Variants in ZCWPW2 observed in about 807,000 individuals in gnomAD.
ZCWPW2 encodes the protein zinc finger CW-type PWWP domain protein 2.
In ZCWPW2, 45 loss-of-function variants were observed where a neutral mutation model predicts 46.6. The ratio of observed to expected loss-of-function variants is 0.96; its 90% CI spans 0.76 to 1.24. ZCWPW2 has a LOEUF of 1.24. Ranked by LOEUF, ZCWPW2 falls within the 50% of genes most tolerant of loss-of-function variation. ZCWPW2 has a pLI of 0.00. For missense variants in ZCWPW2, 429 were observed against 403.9 expected, an observed-to-expected ratio of 1.06 and a Z score of -0.53; for synonymous variants, 152 against 137.1, an observed-to-expected ratio of 1.11 and a Z score of -0.76.
At chr3:28,367,002 AT>A (rs988383878) in intron 1 of ZCWPW2, among the ~76,000 whole-genome samples, 7 of 151,848 alleles carry the variant, frequency 4.6e-5, no homozygotes, top group Admixed American at 1.3e-4. Flanking sequence ...CCCTTTTAAC[AT>A]TTTTTATTGT....
chr3:28,480,864 CTTTTTTTTTTTT>C (rs56891846), intron 5 of ZCWPW2, among the ~76,000 whole-genome samples: 1 of 122,008 alleles, frequency 8.2e-6, no homozygotes, highest in Non-Finnish European at 1.7e-5. Flanking sequence ...CATTTTTTTT[CTTTTTTTTTTTT>C]TTTTTTTGAG....
intron 2 of ZCWPW2, among the ~76,000 whole-genome samples, chr3:28,393,934 A>C (rs1223567482): frequency 6.6e-6 from 1 of 152,162 alleles, no homozygotes; most frequent in African/African-American, 2.4e-5. Flanking sequence ...TAGCCAGAGC[A>C]ATTAGGCAAC....
At chr3:28,364,400 A>T (rs376240216) in intron 1 of ZCWPW2, among the ~76,000 whole-genome samples, 1 of 152,082 alleles carries the variant, frequency 6.6e-6, no homozygotes, top group Non-Finnish European at 1.5e-5. Flanking sequence ...TTTACATTGC[A>T]AATTGTGCTG....
chr3:28,363,044 G>C (rs901883979), intron 1 of ZCWPW2, among the ~76,000 whole-genome samples: 1 of 146,668 alleles, frequency 6.8e-6, no homozygotes, highest in African/African-American at 2.5e-5. Context: ...AACAACAGAC[G>C]CTGGGGCCTA....
chr3:28,361,743 A>G (rs935339710), intron 1 of ZCWPW2, among the ~76,000 whole-genome samples: 10 of 152,216 alleles, frequency 6.6e-5, no homozygotes, highest in Admixed American at 3.3e-4. Flanking sequence ...TCTAAAGAAG[A>G]TATGCAGATG....
chr3:28,397,295 G>A (rs898234199), intron 2 of ZCWPW2, among the ~76,000 whole-genome samples: 4 of 152,046 alleles, frequency 2.6e-5, no homozygotes, highest in African/African-American at 4.8e-5. Flanking sequence ...TTTAATGAAC[G>A]CAAAAACTAT....
chr3:28,449,779 G>A (rs1456721691), intron 4 of ZCWPW2, among the ~76,000 whole-genome samples: 1 of 151,970 alleles, frequency 6.6e-6, no homozygotes, highest in Non-Finnish European at 1.5e-5. Context: ...TGTGCTGCAG[G>A]GCTATTTTTT....
chr3:28,393,801 G>A (rs1296854444), intron 2 of ZCWPW2, among the ~76,000 whole-genome samples: 1 of 152,010 alleles, frequency 6.6e-6, no homozygotes, highest in Admixed American at 6.6e-5. Flanking sequence ...CATCACAAAG[G>A]CTGTGTATCA....
At chr3:28,429,465 T>A (rs1451029063) in intron 3 of ZCWPW2, among the ~76,000 whole-genome samples, 2 of 152,174 alleles carry the variant, frequency 1.3e-5, no homozygotes, top group Admixed American at 1.3e-4. Flanking sequence ...TTGGAATTTA[T>A]GTTTAAAAGG....
At chr3:28,465,646 A>ATTAGCCAATTAGTCTCTGGTC (rs1559515596) in intron 4 of ZCWPW2, among the ~76,000 whole-genome samples, 1 of 152,206 alleles carries the variant, frequency 6.6e-6, no homozygotes, top group Non-Finnish European at 1.5e-5. Context: ...ATTGGCTAAT[A>ATTAGCCAATTAGTCTCTGGTC]TAATTAACCA....
In ZCWPW2 at chr3:28,420,131, T is replaced by A. The variant is rs369836309; in HGVS notation, c.332+6731T>A. Among the ~76,000 whole-genome samples, 5 of 152,212 alleles carry A rather than the reference T, an allele frequency of 3.3e-5. No homozygotes were observed. The South Asian group carries it at 1.0e-3, about 32-fold the overall frequency. ...TTTTTTGAAGGGGTTTTTGTGTCTG[T>A]ATTTCCTTCAGTTCTGCTCTGATCT... is the stretch of plus-strand genomic sequence containing the variant. On this transcript the variant is annotated intron_variant, in intron 3 of 9. Coordinates refer to ENST00000383768, the MANE Select transcript of ZCWPW2 (RefSeq NM_001040432.4).
intron 1 of ZCWPW2, among the ~76,000 whole-genome samples, chr3:28,369,886 C>A (rs1378428620): frequency 6.6e-6 from 1 of 152,200 alleles, no homozygotes; most frequent in African/African-American, 2.4e-5. Context: ...CTCGCTGCCA[C>A]CTTGCAGTTT....
intron 9 of ZCWPW2, among the ~76,000 whole-genome samples, chr3:28,522,135 G>A (rs1575237131): frequency 1.3e-5 from 2 of 152,078 alleles, no homozygotes; most frequent in South Asian, 2.1e-4. Context: ...GAGAGGGGAG[G>A]GATAGCATTA....
intron 6 of ZCWPW2, among the ~76,000 whole-genome samples, chr3:28,496,702 G>T (rs967081137): frequency 6.6e-6 from 1 of 151,856 alleles, no homozygotes; most frequent in East Asian, 1.9e-4. Flanking sequence ...ATAAAAGAAA[G>T]CTGTTGGTAT....
At chr3:28,385,620 T>G (rs1057461346) in intron 1 of ZCWPW2, among the ~76,000 whole-genome samples, 3 of 152,194 alleles carry the variant, frequency 2.0e-5, no homozygotes, top group Admixed American at 1.3e-4. Flanking sequence ...TGATAAGGGT[T>G]GAAGGTGACA....
At chr3:28,517,327 T>A (rs1431461921) in intron 8 of ZCWPW2, among the ~76,000 whole-genome samples, 3 of 152,198 alleles carry the variant, frequency 2.0e-5, no homozygotes, top group African/African-American at 4.8e-5. Context: ...AGGTTTTAAT[T>A]GGCTCACAGT....
At chr3:28,476,863 G>A (rs1025519354) in intron 4 of ZCWPW2, among the ~76,000 whole-genome samples, 3 of 151,984 alleles carry the variant, frequency 2.0e-5, no homozygotes, top group African/African-American at 4.8e-5. Flanking sequence ...TCTCTCCCAC[G>A]TGCAGTTCAC....
In ZCWPW2 at chr3:28,413,368, C is replaced by T. The variant is rs762881577; in HGVS notation, c.300C>T (p.Ser100=). The change falls in exon 3 of 10, where the codon AGC becomes AGT. Residue 100 remains serine (S), a synonymous_variant. Transcript: ENST00000383768. ...KIVYSQLPLG[S]LVLVKLQNWP... is the part of the protein sequence containing the mutation. ...TCTATTCACAGCTCCCTCTTGGAAG[C>T]CTGGTTTTGGTAAAATTACAGAATT... The T allele has an allele frequency of 1.2e-6, 2 of 1,608,884 alleles. No individual in the cohort carries two copies. The highest frequency in any genetic ancestry group is 1.7e-6 in the Non-Finnish European group (2 of 1,176,292).
At chr3:28,412,309 T>C (rs1005493301) in intron 2 of ZCWPW2, among the ~76,000 whole-genome samples, 1 of 151,762 alleles carries the variant, frequency 6.6e-6, no homozygotes, top group Non-Finnish European at 1.5e-5. Flanking sequence ...AAAATTTTTC[T>C]AACAAAAAAG....
Sources: gnomAD v4.1 joint callset for allele counts (sites outside exome capture counted in the v4.1 genomes callset) on GRCh38, gnomAD v4.1.1 for gene constraint, MANE v1.5 for transcripts, NCBI Gene and HGNC (gene_info 2026-07-23, HGNC 2026-07-21) for gene names.